The following SIPA1L1 variants were observed in gnomAD, a reference collection of about 807,000 sequenced individuals.
SIPA1L1 encodes the protein signal-induced proliferation-associated 1-like protein 1.
Under a neutral mutation model 162.7 loss-of-function variants are expected in SIPA1L1, and 26 were observed. The ratio of observed to expected loss-of-function variants is 0.16; its 90% CI spans 0.12 to 0.22. The LOEUF (loss-of-function observed/expected upper bound fraction) is 0.22, where lower values mean the gene tolerates loss of function less well. SIPA1L1 is among the 10% of genes least tolerant of loss of function. The probability of loss-of-function intolerance (pLI) is 1.00; values close to 1 mark genes in which losing one functional copy is unlikely to be tolerated. For missense variants in SIPA1L1, 1,874 were observed against 2,241.0 expected (o/e 0.84, Z 3.31); for synonymous variants, 829 against 837.4 (o/e 0.99, Z 0.17).
intron 2 of SIPA1L1, chr14:71,330,628 G>A (rs878967687): frequency 7.6e-6 from 7 of 921,088 alleles, no homozygotes; most frequent in African/African-American, 1.6e-5. Context: ...GGTTTGGGGC[G>A]GAAACTGGGT....
At chr14:71,356,064 T>TA (rs2037211238) in intron 2 of SIPA1L1, among the ~76,000 whole-genome samples, 1 of 152,156 alleles carries the variant, frequency 6.6e-6, no homozygotes. Flanking sequence ...CTGCTACTGA[T>TA]AAAGTCAGGG....
intron 2 of SIPA1L1, among the ~76,000 whole-genome samples, chr14:71,419,110 G>A (rs1461995894): frequency 2.0e-5 from 3 of 152,118 alleles, no homozygotes; most frequent in Admixed American, 2.0e-4. Flanking sequence ...CACATGACTA[G>A]CCTTGAGTTC....
chr14:71,361,816 A>G (rs1405377053), intron 2 of SIPA1L1, among the ~76,000 whole-genome samples: 1 of 152,182 alleles, frequency 6.6e-6, no homozygotes, highest in Non-Finnish European at 1.5e-5. Context: ...CAGGTTTTCC[A>G]GTGCTTTAAG....
chr14:71,547,626 GAATAATTATTTTGTTCAAAT>G lies in SIPA1L1; in HGVS notation c.-303+18275_-303+18294del, dbSNP rs1295233796. Among the ~76,000 whole-genome samples, 16 of 152,148 alleles carry G rather than the reference GAATAATTATTTTGTTCAAAT, an allele frequency of 1.1e-4. No individual in the cohort carries two copies. The East Asian group carries it at 1.2e-3, about 11-fold the overall frequency. On this transcript the variant is annotated intron_variant, in intron 4 of 23. Coordinates refer to ENST00000381232, the MANE Select transcript of SIPA1L1 (RefSeq NM_001386936.1). ...AGTTTTGGATTGTATTAATTTTCTA[GAATAATTATTTTGTTCAAAT>G]AATAATTATTTTGTTCAACTATTCC...
At chr14:71,599,355 G>T (rs1300444153) in intron 5 of SIPA1L1, among the ~76,000 whole-genome samples, 1 of 151,026 alleles carries the variant, frequency 6.6e-6, no homozygotes, top group Non-Finnish European at 1.5e-5. Flanking sequence ...TCTCCATGTT[G>T]ATCAGGCTGG....
intron 2 of SIPA1L1, among the ~76,000 whole-genome samples, chr14:71,466,162 C>A (rs189376407): frequency 2.6e-4 from 39 of 151,942 alleles, no homozygotes; most frequent in Admixed American, 2.0e-4. Flanking sequence ...AGTCAGTGTA[C>A]TTTAGGGGTG....
At chr14:71,431,127 A>G (rs2043956250) in intron 2 of SIPA1L1, among the ~76,000 whole-genome samples, 1 of 152,186 alleles carries the variant, frequency 6.6e-6, no homozygotes, top group Non-Finnish European at 1.5e-5. Flanking sequence ...TTAGCATGTT[A>G]ACTCCTACTC....
rs767251862 is a variant in SIPA1L1, at chr14:71,671,361, C to T, written c.2498C>T (p.Pro833Leu). 1.8e-5 allele frequency: 29 copies of T among 1,614,062 alleles called. No homozygotes were observed. Among genetic ancestry groups the T allele is most frequent in the South Asian group, 1.2e-4 (11 of 91,088 alleles). The change falls in exon 11 of 24, where the codon CCG (proline) becomes CTG (leucine). Residue 833 changes from proline (P) to leucine (L), a missense_variant. Pro to Leu is a moderately conservative substitution (Grantham distance 98). Around this residue, in one of 5 missense-constraint regions of SIPA1L1, gnomAD observed 243 missense variants for 315.0 expected, o/e 0.77. Transcript: ENST00000381232. Reference sequence around the variant, plus strand: ...CCTATCGACCCTTCTGGCAAGTTTCCGTTCATCTCTCTGGCTTCCAAGAAG... The same window carrying T: ...CCTATCGACCCTTCTGGCAAGTTTCTGTTCATCTCTCTGGCTTCCAAGAAG... ...NTPIDPSGKF[P>L]FISLASKKKE...
chr14:71,485,338 G>A (rs1473272925), intron 2 of SIPA1L1, among the ~76,000 whole-genome samples: 3 of 152,222 alleles, frequency 2.0e-5, no homozygotes, highest in Non-Finnish European at 4.4e-5. Flanking sequence ...GAACTGGGCT[G>A]CGTAGCAGGA....
chr14:71,443,519 G>A lies in SIPA1L1; in HGVS notation c.-464-69224G>A, dbSNP rs1398341480. Among the ~76,000 whole-genome samples, 5 of 152,216 alleles carry A rather than the reference G, an allele frequency of 3.3e-5. No individual in the cohort carries two copies. In the South Asian group the frequency reaches 1.0e-3, roughly 32 times the overall value. On this transcript the variant is annotated intron_variant, in intron 2 of 23. Coordinates refer to ENST00000381232, the MANE Select transcript of SIPA1L1 (RefSeq NM_001386936.1). Reference sequence around the variant, plus strand: ...TCAAATGGAAGCCACTTATCAAGTTGAAGCAGAGATGTTGCCAGTATTTAA... The same window carrying A: ...TCAAATGGAAGCCACTTATCAAGTTAAAGCAGAGATGTTGCCAGTATTTAA...
chr14:71,400,562 A>G (rs957176870), intron 2 of SIPA1L1, among the ~76,000 whole-genome samples: 2 of 151,942 alleles, frequency 1.3e-5, no homozygotes, highest in East Asian at 3.8e-4. Flanking sequence ...TTGAGATTGT[A>G]TGTATGTATG....
At chr14:71,609,245 A>G (rs937772671) in intron 5 of SIPA1L1, among the ~76,000 whole-genome samples, 2 of 152,116 alleles carry the variant, frequency 1.3e-5, no homozygotes, top group East Asian at 1.9e-4. Flanking sequence ...AGTGAAGCCT[A>G]CGAACTCTCC....
chr14:71,693,284 A>C (rs2081377835), intron 13 of SIPA1L1, among the ~76,000 whole-genome samples: 2 of 152,174 alleles, frequency 1.3e-5, no homozygotes. Flanking sequence ...AGGCAAGTGG[A>C]TCACCTGAGG....
intron 4 of SIPA1L1, among the ~76,000 whole-genome samples, chr14:71,551,743 C>A (rs947684303): frequency 4.6e-5 from 7 of 152,142 alleles, no homozygotes; most frequent in African/African-American, 1.7e-4. Flanking sequence ...TTTTCTGGGT[C>A]ATTTCCCTTT....
chr14:71,495,723 T>A (rs2049696922), intron 2 of SIPA1L1, among the ~76,000 whole-genome samples: 1 of 151,532 alleles, frequency 6.6e-6, no homozygotes, highest in African/African-American at 2.4e-5. Flanking sequence ...TTGAGATCTT[T>A]CTTATTTTCT....
intron 2 of SIPA1L1, among the ~76,000 whole-genome samples, chr14:71,374,043 G>C (rs2039144317): frequency 6.6e-6 from 1 of 152,192 alleles, no homozygotes; most frequent in Admixed American, 6.6e-5. Flanking sequence ...GGTCTTTGGA[G>C]CTCTTGTGTA....
At chr14:71,330,504 T>C in intron 2 of SIPA1L1, 2 of 1,597,550 alleles carry the variant, frequency 1.3e-6, no homozygotes, top group Non-Finnish European at 1.7e-6. Flanking sequence ...GAAGTCCTGC[T>C]CTATGTGCAT....
At chr14:71,674,568 T>C (rs2044894517) in intron 12 of SIPA1L1, among the ~76,000 whole-genome samples, 1 of 149,956 alleles carries the variant, frequency 6.7e-6, no homozygotes, top group Non-Finnish European at 1.5e-5. Context: ...TTGTTTTTTT[T>C]TGTTTTTTTT....
rs34732746 is a variant in SIPA1L1, at chr14:71,419,235, GT to G, written c.-464-93494del. 2.8e-3 allele frequency among the ~76,000 whole-genome samples: 400 copies of G among 142,468 alleles called. 1 individual carries two copies. The highest frequency in any genetic ancestry group is 6.0e-3 in the South Asian group (27 of 4,478). The allele number at this position is 142,468 out of a possible 152,430, so 93.5% of individuals were successfully genotyped here. Reference sequence around the variant, plus strand: ...CTAACGGACTTTGTTTTCTTTCAGGGTTTTTTTTTTTTTTAAGTCTATAGCT... The same window carrying G: ...CTAACGGACTTTGTTTTCTTTCAGGGTTTTTTTTTTTTTAAGTCTATAGCT... On this transcript the variant is annotated intron_variant, in intron 2 of 23. Coordinates refer to ENST00000381232, the MANE Select transcript of SIPA1L1 (RefSeq NM_001386936.1).
Sources: gnomAD v4.1 joint callset for allele counts (sites outside exome capture counted in the v4.1 genomes callset) on GRCh38, gnomAD v4.1.1 for gene constraint, gnomAD v4.1.1 regional missense constraint, MANE v1.5 for transcripts, NCBI Gene and HGNC (gene_info 2026-07-23, HGNC 2026-07-21) for gene names.